Variants in SH3KBP1 observed in about 807,000 individuals in gnomAD.
SH3KBP1 encodes the protein SH3 domain containing kinase binding protein 1.
A neutral mutation model predicts 50.1 loss-of-function variants in SH3KBP1; 8 were observed. That is an observed-to-expected ratio of 0.16 (90% CI 0.09 to 0.29). SH3KBP1 has a LOEUF of 0.29. Among genes scored for constraint, SH3KBP1 ranks in the 10% least tolerant of loss-of-function variants. The pLI is 1.00. For missense variants in SH3KBP1, 377 were observed against 535.2 expected (o/e 0.70, Z 2.92); for synonymous variants, 227 against 218.6 (o/e 1.04, Z -0.34).
intron 6 of SH3KBP1, among the ~76,000 whole-genome samples, chrX:19,651,140 G>A (rs988958299): frequency 7.3e-5 from 8 of 110,235 alleles, no homozygotes; most frequent in Admixed American, 2.9e-4. Flanking sequence ...GGTAGGCACA[G>A]AGCAGAAGCC....
At chrX:19,639,980 C>A (rs747177772) in intron 7 of SH3KBP1, among the ~76,000 whole-genome samples, 1 of 102,388 alleles carries the variant, frequency 9.8e-6, no homozygotes, top group Non-Finnish European at 2.0e-5. Flanking sequence ...GAGTAAGTAG[C>A]AATCTGCCCA....
chrX:19,583,880 A>C (rs916164905), intron 12 of SH3KBP1, among the ~76,000 whole-genome samples: 1 of 100,913 alleles, frequency 9.9e-6, no homozygotes, highest in African/African-American at 3.6e-5. Flanking sequence ...ATATATTTAT[A>C]TATCAATGGT....
chrX:19,805,747 G>A (rs758703883), intron 2 of SH3KBP1, among the ~76,000 whole-genome samples: 1 of 110,750 alleles, frequency 9.0e-6, no homozygotes, highest in Admixed American at 9.6e-5. Context: ...ACCAGCCCAC[G>A]TCGAGACCTG....
chrX:19,832,580 C>T (rs2067925634), intron 2 of SH3KBP1, among the ~76,000 whole-genome samples: 1 of 111,183 alleles, frequency 9.0e-6, no homozygotes, highest in South Asian at 3.7e-4. Context: ...AGCAGCCACC[C>T]ATCCCATGAG....
intron 1 of SH3KBP1, among the ~76,000 whole-genome samples, chrX:19,853,081 TA>T (rs2068552919): frequency 8.9e-6 from 1 of 112,816 alleles, no homozygotes; most frequent in Admixed American, 9.4e-5. Flanking sequence ...AAGTCTGGAA[TA>T]AACTCACTGC....
chrX:19,850,302 G>A (rs1018639061), intron 1 of SH3KBP1, among the ~76,000 whole-genome samples: 1 of 110,615 alleles, frequency 9.0e-6, no homozygotes, highest in African/African-American at 3.3e-5. Flanking sequence ...TCATGTCTCA[G>A]CCTACTGCAT....
At chrX:19,853,013 A>G (rs2068551478) in intron 1 of SH3KBP1, among the ~76,000 whole-genome samples, 1 of 112,665 alleles carries the variant, frequency 8.9e-6, no homozygotes, top group African/African-American at 3.2e-5. Context: ...AACAGGAATC[A>G]AGGTCATCTC....
At chrX:19,742,074 C>T (rs1394635261) in intron 3 of SH3KBP1, among the ~76,000 whole-genome samples, 2 of 111,447 alleles carry the variant, frequency 1.8e-5, no homozygotes, top group African/African-American at 6.5e-5. Flanking sequence ...CCAGGAAATC[C>T]TTCTAAGGAT....
intron 6 of SH3KBP1, among the ~76,000 whole-genome samples, chrX:19,682,894 C>CA (rs552090695): frequency 5.3e-3 from 284 of 53,979 alleles, no homozygotes; most frequent in African/African-American, 8.8e-3. Flanking sequence ...GTTATCCCAC[C>CA]AAAAAAAAAA....
chrX:19,629,971 C>A (rs760182019), intron 8 of SH3KBP1, among the ~76,000 whole-genome samples: 1 of 111,849 alleles, frequency 8.9e-6, no homozygotes, highest in Non-Finnish European at 1.9e-5. Flanking sequence ...TGACTAAGGT[C>A]ATTAGAAAAA....
intron 2 of SH3KBP1, among the ~76,000 whole-genome samples, chrX:19,753,664 G>A (rs914868148): frequency 1.8e-5 from 2 of 111,675 alleles, no homozygotes; most frequent in Non-Finnish European, 3.8e-5. Flanking sequence ...AGACTACCAA[G>A]GGGAGCTTCA....
At chrX:19,831,683 C>T (rs866693157) in intron 2 of SH3KBP1, among the ~76,000 whole-genome samples, 4 of 103,622 alleles carry the variant, frequency 3.9e-5, no homozygotes, top group Admixed American at 2.1e-4. Flanking sequence ...CACAGCTACT[C>T]GGGAGGCTGA....
intron 3 of SH3KBP1, among the ~76,000 whole-genome samples, chrX:19,707,892 G>A (rs1569432280): frequency 8.9e-6 from 1 of 112,483 alleles, no homozygotes; most frequent in Non-Finnish European, 1.9e-5. Context: ...CCCAAGCCAG[G>A]GAGGTGGATG....
intron 3 of SH3KBP1, among the ~76,000 whole-genome samples, chrX:19,715,942 G>A (rs1282609787): frequency 9.0e-6 from 1 of 111,342 alleles, no homozygotes; most frequent in East Asian, 2.8e-4. Flanking sequence ...GTGGGGGGAA[G>A]GCAGCAACTC....
intron 6 of SH3KBP1, among the ~76,000 whole-genome samples, chrX:19,658,291 T>C (rs2062346605): frequency 9.0e-6 from 1 of 111,476 alleles, no homozygotes; most frequent in Admixed American, 9.5e-5. Context: ...GCCTGCTGTG[T>C]TCATTCACCT....
At chrX:19,574,446 G>A (rs1479127429) in intron 12 of SH3KBP1, among the ~76,000 whole-genome samples, 2 of 112,850 alleles carry the variant, frequency 1.8e-5, no homozygotes, top group Non-Finnish European at 3.7e-5. Context: ...TTGATATAGT[G>A]TGGATGACTT....
At chrX:19,671,242 C>T (rs373868293) in intron 6 of SH3KBP1, among the ~76,000 whole-genome samples, 2 of 111,748 alleles carry the variant, frequency 1.8e-5, no homozygotes, top group African/African-American at 6.5e-5. Flanking sequence ...AAAAAGCCCA[C>T]TATCTTTCAA....
chrX:19,710,764 G>A (rs2063758914), intron 3 of SH3KBP1, among the ~76,000 whole-genome samples: 2 of 110,667 alleles, frequency 1.8e-5, no homozygotes, highest in African/African-American at 6.6e-5. Context: ...TAGCACCCAC[G>A]GGTAAGGGGG....
intron 6 of SH3KBP1, among the ~76,000 whole-genome samples, chrX:19,650,701 G>A (rs148534929): frequency 0.012 from 1,384 of 112,567 alleles, 15 homozygotes; most frequent in Non-Finnish European, 0.021. Flanking sequence ...TGGTATCTGA[G>A]AGGATTCCTT....
Sources: gnomAD v4.1 joint callset for allele counts (sites outside exome capture counted in the v4.1 genomes callset) on GRCh38, gnomAD v4.1.1 for gene constraint, MANE v1.5 for transcripts, NCBI Gene and HGNC (gene_info 2026-07-23, HGNC 2026-07-21) for gene names.